NUP160: variants seen among roughly 807,000 people sequenced by gnomAD.
NUP160 encodes nuclear pore complex protein Nup160.
In NUP160, 94 loss-of-function variants were observed where a neutral mutation model predicts 196.9. The ratio of observed to expected loss-of-function variants is 0.48; its 90% CI spans 0.40 to 0.57. The LOEUF is 0.57. Ranked by LOEUF, NUP160 falls within the 20% of genes least tolerant of loss-of-function variation. NUP160 has a pLI of 0.00. For synonymous variants in NUP160, 605 were observed against 619.7 expected (o/e 0.98, Z 0.35); for missense variants, 1,638 against 1,748.3 (o/e 0.94, Z 1.13).
At chr11:47,818,623 T>C (rs961734742) in intron 10 of NUP160, among the ~76,000 whole-genome samples, 3 of 151,824 alleles carry the variant, frequency 2.0e-5, no homozygotes, top group African/African-American at 7.3e-5. Context: ...CATGGAAAAA[T>C]CTCATATTGC....
chr11:47,817,403 C>A (rs529594961), intron 11 of NUP160, among the ~76,000 whole-genome samples: 3 of 146,778 alleles, frequency 2.0e-5, no homozygotes, highest in Non-Finnish European at 4.5e-5. Flanking sequence ...AGTGCAGTGG[C>A]GCAATCTTGG....
At chr11:47,831,691 A>C (rs1322789707) in intron 7 of NUP160, among the ~76,000 whole-genome samples, 4 of 151,348 alleles carry the variant, frequency 2.6e-5, no homozygotes, top group South Asian at 4.2e-4. Context: ...AAAATACAAA[A>C]ACTTAGCCAG....
intron 34 of NUP160, among the ~76,000 whole-genome samples, chr11:47,781,820 A>G (rs1463725532): frequency 3.3e-5 from 5 of 152,206 alleles, no homozygotes; most frequent in Admixed American, 2.6e-4. Flanking sequence ...AACTAATGCC[A>G]TATTATTTTG....
chr11:47,781,394 C>T (rs773324685), intron 34 of NUP160, among the ~76,000 whole-genome samples: 1 of 151,888 alleles, frequency 6.6e-6, no homozygotes, highest in Non-Finnish European at 1.5e-5. Context: ...TCCCACATAG[C>T]TGGGACTATA....
chr11:47,779,319 T>C (rs1215314687), intron 35 of NUP160, 125 bp from the exon 36 acceptor site: 2 of 622,700 alleles, frequency 3.2e-6, no homozygotes, highest in Non-Finnish European at 5.6e-6. Flanking sequence ...CTCTGCTTCA[T>C]AAAATCACCA....
At chr11:47,808,671 T>C in intron 17 of NUP160, 142 bp from the exon 18 acceptor site, 1 of 535,748 alleles carries the variant, frequency 1.9e-6, no homozygotes, top group Non-Finnish European at 3.0e-6. Context: ...CATTTTACGG[T>C]AGCAAGTGGC....
At chr11:47,835,565 G>A (rs1435945351) in intron 7 of NUP160, 86 bp downstream of exon 7, 1 of 1,154,160 alleles carries the variant, frequency 8.7e-7, no homozygotes, top group African/African-American at 1.6e-5. Context: ...GGTGAAAAGA[G>A]CTTGAACAGA....
chr11:47,781,911 G>T (rs1809856215), intron 34 of NUP160, among the ~76,000 whole-genome samples: 1 of 152,080 alleles, frequency 6.6e-6, no homozygotes, highest in Non-Finnish European at 1.5e-5. Flanking sequence ...TATAACTACA[G>T]ATAGTAAAGG....
intron 22 of NUP160, among the ~76,000 whole-genome samples, chr11:47,802,989 GAAAT>G (rs1373633136): frequency 6.6e-6 from 1 of 151,776 alleles, no homozygotes; most frequent in Non-Finnish European, 1.5e-5. Context: ...CTGTCTAAAA[GAAAT>G]AATAAAATAA....
At chr11:47,841,651 A>G in intron 2 of NUP160, 2 of 375,202 alleles carry the variant, frequency 5.3e-6, no homozygotes, top group Non-Finnish European at 5.3e-6. Flanking sequence ...CGAGAGATTG[A>G]GGGCTCTAAG....
At chr11:47,790,602 A>G (rs2097667344) in intron 29 of NUP160, among the ~76,000 whole-genome samples, 1 of 152,160 alleles carries the variant, frequency 6.6e-6, no homozygotes, top group Non-Finnish European at 1.5e-5. Context: ...AGAAAATCAT[A>G]GGGAAGGCAG....
At chr11:47,792,073 C>G in intron 28 of NUP160, 83 bp from the exon 29 acceptor site, 1 of 917,034 alleles carries the variant, frequency 1.1e-6, no homozygotes. Flanking sequence ...AGCTTTTATG[C>G]TTAAATTTTC....
intron 13 of NUP160, among the ~76,000 whole-genome samples, chr11:47,814,200 T>G (rs2097682902): frequency 6.7e-6 from 1 of 148,230 alleles, no homozygotes; most frequent in Non-Finnish European, 1.5e-5. Flanking sequence ...TCAAATAACA[T>G]CATTCTCATG....
At position 47,848,336 on chromosome 11, in the gene NUP160, G is replaced by GACGCC; in HGVS notation, c.80_84dup (p.Arg29GlyfsTer22). 1.2e-6 allele frequency: 2 copies of GACGCC among 1,613,356 alleles called. No homozygotes were observed. The highest frequency in any genetic ancestry group is 1.7e-6 in the Non-Finnish European group (2 of 1,179,760). The stretch of plus-strand genomic sequence containing the variant: ...GCCGCCATCTTCCCGCCGTCGCCGC[G>GACGCC]ACGCCCAACGGAACAAAGGCAGGGC... On this transcript the variant is annotated frameshift_variant, in exon 1 of 36. Coordinates refer to ENST00000378460, the Ensembl canonical transcript of NUP160. LOFTEE classifies it high-confidence loss of function.
At chr11:47,825,904 A>T (rs1851957089) in intron 7 of NUP160, among the ~76,000 whole-genome samples, 1 of 152,198 alleles carries the variant, frequency 6.6e-6, no homozygotes, top group Non-Finnish European at 1.5e-5. Context: ...GTTTTTATAA[A>T]GAAAATTTAC....
intron 7 of NUP160, 119 bp from the exon 8 acceptor site, chr11:47,822,283 AG>A (rs954026989): frequency 2.0e-4 from 115 of 567,200 alleles, no homozygotes; most frequent in South Asian, 7.7e-4. Context: ...TTGAAAGAAG[AG>A]TCTTGCTCTG....
chr11:47,835,556 G>GAAACACA (rs2135398199), intron 7 of NUP160, 95 bp downstream of exon 7: 1 of 1,042,722 alleles, frequency 9.6e-7, no homozygotes, highest in Non-Finnish European at 1.3e-6. Context: ...ATCTAGGTCG[G>GAAACACA]TGAAAAGAGC....
intron 27 of NUP160, among the ~76,000 whole-genome samples, chr11:47,797,354 T>C: frequency 6.6e-6 from 1 of 152,108 alleles, no homozygotes; most frequent in African/African-American, 2.4e-5. Flanking sequence ...TTCTCCTGCC[T>C]CAGCCTCCTG....
chr11:47,828,597 CAT>C (rs35392358), intron 7 of NUP160, among the ~76,000 whole-genome samples: 52,579 of 151,870 alleles, frequency 0.35, 10,517 homozygotes, highest in South Asian at 0.52. Flanking sequence ...TTCTAAAACT[CAT>C]ATGGAATTGA....
Sources: gnomAD v4.1 joint callset for allele counts (sites outside exome capture counted in the v4.1 genomes callset) on GRCh38, gnomAD v4.1.1 for gene constraint, MANE v1.5 for transcripts, NCBI Gene and HGNC (gene_info 2026-07-23, HGNC 2026-07-21) for gene names.